RERE: variants seen among roughly 807,000 people sequenced by gnomAD.
RERE encodes the protein arginine-glutamic acid dipeptide repeats protein.
A neutral mutation model predicts 146.1 loss-of-function variants in RERE; 40 were observed. The ratio of observed to expected loss-of-function variants is 0.27; its 90% CI spans 0.21 to 0.36. The LOEUF (loss-of-function observed/expected upper bound fraction) is 0.36. Ranked by LOEUF, RERE falls within the 10% of genes least tolerant of loss-of-function variation. The pLI is 1.00. For missense variants in RERE, 1,933 were observed against 2,138.7 expected (o/e 0.90, Z 1.90); for synonymous variants, 1,003 against 866.0 (o/e 1.16, Z -2.78).
At chr1:8,783,066 G>A (rs909523176) in intron 1 of RERE, among the ~76,000 whole-genome samples, 7 of 152,130 alleles carry the variant, frequency 4.6e-5, no homozygotes, top group Non-Finnish European at 1.0e-4. Flanking sequence ...AGGCATGGTG[G>A]TTCATGCCTA....
At chr1:8,502,515 C>T (rs1487564671) in intron 8 of RERE, among the ~76,000 whole-genome samples, 1 of 125,424 alleles carries the variant, frequency 8.0e-6, no homozygotes, top group Non-Finnish European at 1.7e-5. Context: ...AGGTCAGGGG[C>T]GCTTCTGCCC....
At chr1:8,414,055 CAAAA>C (rs71580026) in intron 12 of RERE, among the ~76,000 whole-genome samples, 1 of 91,768 alleles carries the variant, frequency 1.1e-5, no homozygotes. Flanking sequence ...AACTCCATCT[CAAAA>C]AAAAAAAAAA....
Position 8,711,157 on chromosome 1 carries a change from C to CAAAAAAA in RERE, c.-144-54723_-144-54717dup, listed in dbSNP as rs57814312. On this transcript the variant is annotated intron_variant, in intron 1 of 22. Transcript: ENST00000400908. ...GGGTGACAGAGTGTGACTCTGTCTC[C>CAAAAAAA]AAAAAAAAAAAAAAAAAAAAAAAAA... is the stretch of plus-strand genomic sequence containing the variant. Among the ~76,000 whole-genome samples the CAAAAAAA allele has an allele frequency of 1.4e-3, 97 of 68,268 alleles. 4 individuals carry two copies. Among genetic ancestry groups the CAAAAAAA allele is most frequent in the African/African-American group, 5.3e-3 (85 of 16,036 alleles). 44.8% of individuals were successfully genotyped at this position (68,268 alleles called of 152,430 possible).
intron 10 of RERE, among the ~76,000 whole-genome samples, chr1:8,490,343 C>CAAAAA (rs530925995): frequency 4.8e-4 from 36 of 75,250 alleles, no homozygotes; most frequent in Admixed American, 6.2e-4. Flanking sequence ...GGCAACATCT[C>CAAAAA]AAAAAAAAAA....
chr1:8,707,960 GTTCTTA>G (rs1224177470), intron 1 of RERE, among the ~76,000 whole-genome samples: 1 of 152,062 alleles, frequency 6.6e-6, no homozygotes, highest in African/African-American at 2.4e-5. Flanking sequence ...TGTTATAATT[GTTCTTA>G]TTATTGATAA....
intron 12 of RERE, 21 bp downstream of exon 12, chr1:8,422,706 A>C (rs921384859): frequency 4.4e-6 from 7 of 1,574,896 alleles, no homozygotes; most frequent in Non-Finnish European, 6.1e-6. Context: ...ATCAAGTTAC[A>C]TAAAGTCCAA....
chr1:8,684,913 C>T (rs1279420465), intron 1 of RERE, among the ~76,000 whole-genome samples: 1 of 152,218 alleles, frequency 6.6e-6, no homozygotes, highest in Non-Finnish European at 1.5e-5. Flanking sequence ...GGCTGGAGTG[C>T]AGTGCACGAT....
intron 1 of RERE, among the ~76,000 whole-genome samples, chr1:8,728,334 T>C (rs562128903): frequency 1.3e-4 from 20 of 152,300 alleles, no homozygotes; most frequent in African/African-American, 4.8e-4. Context: ...ATTCTTTATA[T>C]TTAAGAACTT....
chr1:8,396,664 T>G (rs1643067109), intron 12 of RERE, among the ~76,000 whole-genome samples: 2 of 152,344 alleles, frequency 1.3e-5, no homozygotes, highest in Non-Finnish European at 1.5e-5. Flanking sequence ...AAAATTGTTA[T>G]TGAGGTAAAA....
chr1:8,610,828 T>A (rs1296845953), intron 4 of RERE, among the ~76,000 whole-genome samples: 1 of 151,680 alleles, frequency 6.6e-6, no homozygotes, highest in Non-Finnish European at 1.5e-5. Context: ...ATATCCTATG[T>A]TACCAAGAAA....
intron 4 of RERE, among the ~76,000 whole-genome samples, chr1:8,560,906 C>T (rs982400615): frequency 1.3e-5 from 2 of 152,188 alleles, no homozygotes; most frequent in East Asian, 1.9e-4. Context: ...ACTAGCACTC[C>T]TAACAACAAT....
intron 1 of RERE, among the ~76,000 whole-genome samples, chr1:8,692,721 T>C (rs1001138796): frequency 6.6e-6 from 1 of 152,188 alleles, no homozygotes; most frequent in African/African-American, 2.4e-5. Flanking sequence ...TTTTTTAATT[T>C]GTGCTTTTTT....
At chr1:8,727,053 G>T (rs1046891839) in intron 1 of RERE, among the ~76,000 whole-genome samples, 2 of 152,046 alleles carry the variant, frequency 1.3e-5, no homozygotes, top group South Asian at 2.1e-4. Flanking sequence ...TGATCCACCC[G>T]CCTTTGGCTC....
chr1:8,381,920 T>C (rs1395455112), intron 12 of RERE, among the ~76,000 whole-genome samples: 1 of 152,248 alleles, frequency 6.6e-6, no homozygotes, highest in East Asian at 1.9e-4. Flanking sequence ...TGCACTGTGG[T>C]CCAATGACAC....
Position 8,423,579 on chromosome 1 carries a change from G to A in RERE, c.1204-772C>T, listed in dbSNP as rs1643948511. 1.0e-6 allele frequency: 1 copy of A among 985,042 alleles called. No homozygotes were observed. Among genetic ancestry groups the A allele is most frequent in the South Asian group, 4.7e-5 (1 of 21,282 alleles). 61.0% of individuals were successfully genotyped at this position (985,042 alleles called of 1,614,324 possible). The stretch of plus-strand genomic sequence containing the variant: ...CCCCCACCTCGGGGCTCCCAGCCTG[G>A]TCCCGGGCGGCCGACCCCAGCAGCC... On this transcript the variant is annotated intron_variant, in intron 11 of 22. Coordinates refer to ENST00000400908, the MANE Select transcript of RERE (RefSeq NM_001042681.2). The surrounding 1 kb of genome is among the most constrained non-coding windows in gnomAD (Gnocchi z 5.4).
At chr1:8,728,983 T>C (rs936277695) in intron 1 of RERE, among the ~76,000 whole-genome samples, 4 of 151,988 alleles carry the variant, frequency 2.6e-5, no homozygotes, top group Admixed American at 6.6e-5. Flanking sequence ...CTGACCAACA[T>C]GGAGAAACCC....
intron 1 of RERE, among the ~76,000 whole-genome samples, chr1:8,697,222 G>A (rs914762786): frequency 6.6e-6 from 1 of 152,108 alleles, no homozygotes; most frequent in South Asian, 2.1e-4. Flanking sequence ...ACTTGTCTGC[G>A]TCATTTTCCT....
chr1:8,507,262 T>A (rs1217428402), intron 8 of RERE, among the ~76,000 whole-genome samples: 1 of 152,188 alleles, frequency 6.6e-6, no homozygotes, highest in Non-Finnish European at 1.5e-5. Context: ...GGCAACAGAA[T>A]GAGACCTGTC....
Position 8,715,499 on chromosome 1 carries a change from G to A in RERE, c.-144-59058C>T, listed in dbSNP as rs563960179. 5.9e-5 allele frequency among the ~76,000 whole-genome samples: 9 copies of A among 151,812 alleles called. No individual in the cohort carries two copies. The South Asian group carries it at 1.7e-3, about 28-fold the overall frequency. On this transcript the variant is annotated intron_variant, in intron 1 of 22. Transcript: ENST00000400908. Reference sequence around the variant, plus strand: ...GCATTCCAGCCTGGGCAACAAGAGCGAAACTCCGTCTTAATAATAATAATA... The same window carrying A: ...GCATTCCAGCCTGGGCAACAAGAGCAAAACTCCGTCTTAATAATAATAATA...
Sources: allele counts gnomAD v4.1 joint callset (sites outside exome capture counted in the v4.1 genomes callset), GRCh38; gene constraint gnomAD v4.1.1; non-coding constraint Gnocchi (gnomAD v3.1); transcripts MANE v1.5; gene names NCBI Gene and HGNC (gene_info 2026-07-23, HGNC 2026-07-21).